Variants in MAST4 observed in about 807,000 individuals in gnomAD.
MAST4 encodes the protein microtubule associated serine/threonine kinase family member 4.
MAST4 carries 89 observed loss-of-function variants against 162.7 expected under a neutral mutation model. That is an observed-to-expected ratio of 0.55 (90% CI 0.46 to 0.65). The LOEUF (loss-of-function observed/expected upper bound fraction) is 0.65. Among genes scored for constraint, MAST4 ranks in the 30% least tolerant of loss-of-function variants. The pLI is 0.00. For missense variants in MAST4, 3,153 were observed against 3,374.0 expected (o/e 0.93, Z 1.62); for synonymous variants, 1,479 against 1,361.1 (o/e 1.09, Z -1.91).
chr5:67,004,270 T>G (rs1471197564), intron 4 of MAST4, among the ~76,000 whole-genome samples: 1 of 149,268 alleles, frequency 6.7e-6, no homozygotes. Flanking sequence ...TGGTGGGGGG[T>G]GGGGGATGCA....
intron 3 of MAST4, among the ~76,000 whole-genome samples, chr5:66,884,049 G>A (rs1473795738): frequency 6.6e-6 from 1 of 152,090 alleles, no homozygotes; most frequent in African/African-American, 2.4e-5. Flanking sequence ...TATATGGTGT[G>A]GCAATAACTT....
intron 4 of MAST4, among the ~76,000 whole-genome samples, chr5:66,905,995 A>G (rs1431675655): frequency 6.6e-6 from 1 of 152,216 alleles, no homozygotes; most frequent in Non-Finnish European, 1.5e-5. Flanking sequence ...GATTCTCTAT[A>G]GAATGTAGAT....
At chr5:66,779,331 C>T (rs1754744442) in intron 2 of MAST4, among the ~76,000 whole-genome samples, 1 of 147,554 alleles carries the variant, frequency 6.8e-6, no homozygotes, top group African/African-American at 2.5e-5. Flanking sequence ...TCAGTGATGT[C>T]TTTGAGCACT....
intron 3 of MAST4, among the ~76,000 whole-genome samples, chr5:66,822,619 AG>A (rs1187027338): frequency 2.6e-5 from 4 of 152,128 alleles, no homozygotes; most frequent in Admixed American, 1.3e-4. Flanking sequence ...CCTCCTGCCC[AG>A]GGGGGTATCT....
intron 5 of MAST4, among the ~76,000 whole-genome samples, chr5:67,063,653 T>C (rs1044198349): frequency 6.6e-6 from 1 of 151,510 alleles, no homozygotes; most frequent in African/African-American, 2.4e-5. Flanking sequence ...AGAACATGGG[T>C]CATCCTGGGC....
chr5:66,810,334 G>T (rs1756414995), intron 3 of MAST4, among the ~76,000 whole-genome samples: 1 of 152,170 alleles, frequency 6.6e-6, no homozygotes, highest in South Asian at 2.1e-4. Context: ...GCAGGCCCAT[G>T]CTCCGTCCCA....
intron 4 of MAST4, among the ~76,000 whole-genome samples, chr5:67,007,097 G>A (rs1002549739): frequency 1.3e-5 from 2 of 152,074 alleles, no homozygotes; most frequent in Non-Finnish European, 2.9e-5. Context: ...GATTCAGAAG[G>A]CTAGGTATCC....
chr5:66,933,148 T>A (rs1479529100), intron 4 of MAST4, among the ~76,000 whole-genome samples: 1 of 152,194 alleles, frequency 6.6e-6, no homozygotes, highest in South Asian at 2.1e-4. Flanking sequence ...TCTGTTCATA[T>A]CTCTTTAACT....
chr5:67,083,127 C>T (rs1380736057), intron 5 of MAST4, among the ~76,000 whole-genome samples: 1 of 152,142 alleles, frequency 6.6e-6, no homozygotes, highest in Non-Finnish European at 1.5e-5. Context: ...ACTGAAAAGT[C>T]AGAATTCTGA....
chr5:66,935,674 C>CT (rs113432423), intron 4 of MAST4, among the ~76,000 whole-genome samples: 9,304 of 132,576 alleles, frequency 0.07, 804 homozygotes, highest in African/African-American at 0.21. Context: ...TTCTTTCTTT[C>CT]TTTTTTTTTT....
At chr5:66,989,890 CAG>C (rs1442146062) in intron 4 of MAST4, among the ~76,000 whole-genome samples, 6 of 151,838 alleles carry the variant, frequency 4.0e-5, no homozygotes, top group African/African-American at 1.5e-4. Flanking sequence ...ATTCAGAGAC[CAG>C]ACACATAAAT....
intron 3 of MAST4, among the ~76,000 whole-genome samples, chr5:66,833,683 A>G (rs1439116789): frequency 6.6e-6 from 1 of 152,134 alleles, no homozygotes; most frequent in African/African-American, 2.4e-5. Flanking sequence ...GATTAATGTG[A>G]ATTTTAATTT....
At chr5:67,097,897 A>G (rs1379031470) in intron 7 of MAST4, among the ~76,000 whole-genome samples, 1 of 152,108 alleles carries the variant, frequency 6.6e-6, no homozygotes, top group Admixed American at 6.6e-5. Flanking sequence ...TAGGAAAGCT[A>G]CTTCTCTATT....
intron 1 of MAST4, among the ~76,000 whole-genome samples, chr5:66,755,037 T>A (rs257715): frequency 0.2 from 30,406 of 152,000 alleles, 3,726 homozygotes; most frequent in East Asian, 0.45. Flanking sequence ...GGACTCCAGC[T>A]GTGGAATTGG....
chr5:66,696,733 G>A (rs942451062), intron 1 of MAST4, among the ~76,000 whole-genome samples: 4 of 140,524 alleles, frequency 2.8e-5, no homozygotes, highest in South Asian at 2.3e-4. Context: ...TAATAATACC[G>A]AGATATCATC....
chr5:66,937,685 C>T (rs574836315), intron 4 of MAST4, among the ~76,000 whole-genome samples: 17 of 151,786 alleles, frequency 1.1e-4, no homozygotes, highest in Non-Finnish European at 2.1e-4. Context: ...TCATTTTTTT[C>T]TAGGTAAGTT....
At chr5:67,130,165 A>G in intron 14 of MAST4, 45 bp from the exon 15 acceptor site, 3 of 1,541,370 alleles carry the variant, frequency 1.9e-6, no homozygotes, top group Non-Finnish European at 2.7e-6. Context: ...AAACATCCTT[A>G]CTTTCTCTCC....
chr5:66,842,009 G>A (rs1382218086), intron 3 of MAST4, among the ~76,000 whole-genome samples: 1 of 152,148 alleles, frequency 6.6e-6, no homozygotes, highest in Non-Finnish European at 1.5e-5. Context: ...TGGAAGGCAG[G>A]AATTGAAGGA....
intron 1 of MAST4, among the ~76,000 whole-genome samples, chr5:66,627,907 T>C (rs937365044): frequency 1.3e-5 from 2 of 152,212 alleles, no homozygotes; most frequent in East Asian, 3.8e-4. Context: ...TCAGCTCCTC[T>C]GGACAAAATG....
Sources: allele counts gnomAD v4.1 joint callset (sites outside exome capture counted in the v4.1 genomes callset), GRCh38; gene constraint gnomAD v4.1.1; transcripts MANE v1.5; gene names NCBI Gene and HGNC (gene_info 2026-07-23, HGNC 2026-07-21).